Variants in FAAH2 observed in about 807,000 individuals in gnomAD.
FAAH2 encodes the protein fatty-acid amide hydrolase 2.
In FAAH2, 60 loss-of-function variants were observed where a neutral mutation model predicts 36.9. The ratio of observed to expected loss-of-function variants is 1.63; its 90% confidence interval spans 1.32 to 2.02. The LOEUF is 2.02. Ranked by LOEUF, FAAH2 falls within the 30% of genes most tolerant of loss-of-function variation. The pLI, the probability that FAAH2 is intolerant of heterozygous loss-of-function variation, is 0.00. For synonymous variants in FAAH2, 214 were observed against 143.8 expected (o/e 1.49, Z -3.49); for missense variants, 689 against 397.5 (o/e 1.73, Z -6.23).
intron 10 of FAAH2, among the ~76,000 whole-genome samples, chrX:57,453,112 G>C (rs768848142): frequency 9.0e-6 from 1 of 111,720 alleles, no homozygotes; most frequent in East Asian, 2.8e-4. Flanking sequence ...AGAACTTGCA[G>C]CTCTTCAACC....
chrX:57,234,764 C>G, the FAAH2 span, among the ~76,000 whole-genome samples: 1 of 111,739 alleles, frequency 8.9e-6, no homozygotes, highest in South Asian at 3.8e-4. Context: ...ACAGATGAAG[C>G]AGGCTGGTCC....
the FAAH2 span, among the ~76,000 whole-genome samples, chrX:57,164,128 T>G: frequency 8.9e-6 from 1 of 112,010 alleles, no homozygotes; most frequent in Non-Finnish European, 1.9e-5. Context: ...TCTTTAGGAT[T>G]TGGAGAAGGC....
At chrX:57,235,371 C>T in the FAAH2 span, among the ~76,000 whole-genome samples, 4 of 111,490 alleles carry the variant, frequency 3.6e-5, no homozygotes, top group African/African-American at 1.3e-4. Flanking sequence ...TCCTGGCATG[C>T]CTTTAGGTCT....
At chrX:57,213,432 G>C in the FAAH2 span, among the ~76,000 whole-genome samples, 1 of 111,351 alleles carries the variant, frequency 9.0e-6, no homozygotes. Flanking sequence ...TTGTTAATTT[G>C]TGATCTTTCC....
the FAAH2 span, among the ~76,000 whole-genome samples, chrX:57,160,839 T>A: frequency 6.2e-5 from 7 of 112,066 alleles, no homozygotes; most frequent in African/African-American, 2.3e-4. Context: ...TTTTGAAGGG[T>A]TTTTTGTGTC....
the FAAH2 span, among the ~76,000 whole-genome samples, chrX:57,255,855 A>T: frequency 8.9e-6 from 1 of 111,966 alleles, no homozygotes; most frequent in South Asian, 3.7e-4. Context: ...ATTTCCTTGG[A>T]AAACTGGCAC....
intron 8 of FAAH2, among the ~76,000 whole-genome samples, chrX:57,440,813 G>T (rs992039755): frequency 9.0e-6 from 1 of 111,360 alleles, no homozygotes; most frequent in Non-Finnish European, 1.9e-5. Context: ...TAGCATGAAG[G>T]GCTGTTGAAT....
rs755238850 is a variant in FAAH2, at chrX:57,471,627, T to C, written c.1424-17130T>C. Reference sequence around the variant, plus strand: ...TAAATGGAAGAACATTCCATGCTTATGGATAGGAAGAATCAATATCGTGAA... The same window carrying C: ...TAAATGGAAGAACATTCCATGCTTACGGATAGGAAGAATCAATATCGTGAA... On this transcript the variant is annotated intron_variant, in intron 10 of 10. Transcript: ENST00000374900. Among the ~76,000 whole-genome samples, 3 of 112,107 alleles carry C rather than the reference T, an allele frequency of 2.7e-5. No individual in the cohort carries two copies. The South Asian group carries it at 1.1e-3, about 41-fold the overall frequency.
At chrX:57,217,887 A>T in the FAAH2 span, among the ~76,000 whole-genome samples, 1 of 111,834 alleles carries the variant, frequency 8.9e-6, no homozygotes, top group Non-Finnish European at 1.9e-5. Context: ...GGTCATTTTT[A>T]CAATATTGAT....
the FAAH2 span, among the ~76,000 whole-genome samples, chrX:57,210,359 G>A: frequency 8.1e-5 from 9 of 111,620 alleles, no homozygotes; most frequent in Non-Finnish European, 1.5e-4. Context: ...ATGACCATAC[G>A]CACGACAATA....
At position 57,378,500 on chromosome X, in the gene FAAH2, T is replaced by C. The variant is rs1017590455; in HGVS notation, c.743-151T>C. 4 of 645,850 alleles carry C rather than the reference T, an allele frequency of 6.2e-6. No homozygotes were observed. The African/African-American group carries it at 8.9e-5, about 14-fold the overall frequency. 53.2% of individuals were successfully genotyped at this position (645,850 alleles called of 1,213,427 possible). On this transcript the variant is annotated intron_variant, in intron 5 of 10. Transcript: ENST00000374900. Reference sequence around the variant, plus strand: ...ACTGCTTTTAAGAGAGCTAGTAAAATTGTGAAACTACTGCAATGAGATATA... The same window carrying C: ...ACTGCTTTTAAGAGAGCTAGTAAAACTGTGAAACTACTGCAATGAGATATA...
chrX:57,452,235 G>T, intron 10 of FAAH2: 1 of 754,166 alleles, frequency 1.3e-6, no homozygotes, highest in Non-Finnish European at 1.6e-6. Flanking sequence ...TGATATTGGT[G>T]CCAGGAATGC....
chrX:57,224,474 A>T, the FAAH2 span, among the ~76,000 whole-genome samples: 3 of 111,349 alleles, frequency 2.7e-5, no homozygotes, highest in Non-Finnish European at 5.6e-5. Flanking sequence ...CTGAAAGCTT[A>T]AGGAGATGAA....
At chrX:57,472,704 T>C (rs1287964971) in intron 10 of FAAH2, among the ~76,000 whole-genome samples, 1 of 111,079 alleles carries the variant, frequency 9.0e-6, no homozygotes, top group East Asian at 2.8e-4. Flanking sequence ...TTTTTTTACT[T>C]GTTTGTGGTC....
At chrX:57,192,778 C>T in the FAAH2 span, among the ~76,000 whole-genome samples, 3 of 111,912 alleles carry the variant, frequency 2.7e-5, no homozygotes, top group South Asian at 1.1e-3. Context: ...TTTCTTATGC[C>T]TGTCTTTACT....
rs904892560 is a variant in FAAH2, at chrX:57,382,240, G to C, written c.996+1211G>C. Among the ~76,000 whole-genome samples, 8 of 111,163 alleles carry C rather than the reference G, an allele frequency of 7.2e-5. No individual in the cohort carries two copies. In the South Asian group the frequency reaches 1.2e-3, roughly 16 times the overall value. ...AGAAAGCAGGAATGATCTAAAATTG[G>C]CACTCTAACATCACAATTAAAAGAA... is the stretch of plus-strand genomic sequence containing the variant. On this transcript the variant is annotated intron_variant, in intron 7 of 10. Coordinates refer to ENST00000374900, the MANE Select transcript of FAAH2 (RefSeq NM_174912.4).
chrX:57,433,456 T>A (rs1290601413), intron 8 of FAAH2, among the ~76,000 whole-genome samples: 5 of 112,126 alleles, frequency 4.5e-5, no homozygotes, highest in Admixed American at 2.8e-4. Context: ...AGCTCTTTTT[T>A]AATTACAAAC....
intron 10 of FAAH2, among the ~76,000 whole-genome samples, chrX:57,461,190 C>A (rs752689699): frequency 8.1e-5 from 9 of 110,483 alleles, no homozygotes; most frequent in African/African-American, 3.0e-4. Context: ...ACTTAGACTC[C>A]CACACAATAA....
the FAAH2 span, among the ~76,000 whole-genome samples, chrX:57,178,475 C>T: frequency 9.0e-6 from 1 of 111,078 alleles, no homozygotes; most frequent in South Asian, 3.8e-4. Context: ...AGAAGAGGTA[C>T]TCTGGTGTCT....
Sources: allele counts gnomAD v4.1 joint callset (sites outside exome capture counted in the v4.1 genomes callset), GRCh38; gene constraint gnomAD v4.1.1; transcripts MANE v1.5; gene names NCBI Gene and HGNC (gene_info 2026-07-23, HGNC 2026-07-21).